IGSF11: variants seen among roughly 807,000 people sequenced by gnomAD.
IGSF11 encodes the protein immunoglobulin superfamily member 11.
IGSF11 carries 22 observed loss-of-function variants against 41.0 expected under a neutral mutation model. The ratio of observed to expected loss-of-function variants is 0.54; its 90% CI spans 0.38 to 0.77. The LOEUF (loss-of-function observed/expected upper bound fraction) is 0.77, where lower values mean the gene tolerates loss of function less well. IGSF11 is among the 30% of genes least tolerant of loss of function. The pLI is 0.00. For synonymous variants in IGSF11, 219 were observed against 201.3 expected (o/e 1.09, Z -0.74); for missense variants, 444 against 530.8 (o/e 0.84, Z 1.61).
chr3:118,993,686 A>C (rs1936004349), intron 1 of IGSF11, among the ~76,000 whole-genome samples: 1 of 152,234 alleles, frequency 6.6e-6, no homozygotes, highest in African/African-American at 2.4e-5. Context: ...AAAAGCAATA[A>C]AGTAGTGATA....
intron 1 of IGSF11, among the ~76,000 whole-genome samples, chr3:119,129,227 G>A (rs1242451686): frequency 2.6e-5 from 4 of 152,028 alleles, no homozygotes; most frequent in Admixed American, 1.3e-4. Context: ...CATGGCACAC[G>A]TATACCTATG....
At chr3:119,010,176 G>T (rs180828889) in intron 1 of IGSF11, among the ~76,000 whole-genome samples, 1 of 152,168 alleles carries the variant, frequency 6.6e-6, no homozygotes, top group Non-Finnish European at 1.5e-5. Flanking sequence ...GCAGAGCTGA[G>T]AAGATTCCCT....
At chr3:119,119,442 C>G (rs1208951586) in intron 1 of IGSF11, among the ~76,000 whole-genome samples, 2 of 152,084 alleles carry the variant, frequency 1.3e-5, no homozygotes, top group African/African-American at 4.8e-5. Context: ...AGACCTGTCC[C>G]CATGATTCAA....
At chr3:119,017,345 C>T (rs1938820306) in intron 1 of IGSF11, among the ~76,000 whole-genome samples, 1 of 152,192 alleles carries the variant, frequency 6.6e-6, no homozygotes, top group African/African-American at 2.4e-5. Flanking sequence ...TAGAGCATAT[C>T]ACTGTACTGA....
intron 1 of IGSF11, among the ~76,000 whole-genome samples, chr3:119,009,157 T>G (rs1937784171): frequency 6.6e-6 from 1 of 152,138 alleles, no homozygotes. Context: ...TCCTTCAATG[T>G]TCACCCTTTC....
intron 1 of IGSF11, among the ~76,000 whole-genome samples, chr3:119,059,666 T>A (rs995662394): frequency 1.3e-5 from 2 of 152,106 alleles, no homozygotes; most frequent in Non-Finnish European, 2.9e-5. Flanking sequence ...TTTTTTTTTT[T>A]AACTGCCAAG....
Position 118,933,238 on chromosome 3 carries a change from C to T in IGSF11, c.53-2963G>A, listed in dbSNP as rs563082967. On this transcript the variant is annotated intron_variant, in intron 1 of 6. Coordinates refer to ENST00000393775, the MANE Select transcript of IGSF11 (RefSeq NM_001015887.3). The stretch of plus-strand genomic sequence containing the variant: ...TACAAATCGGGTTTAAAATGTGGTA[C>T]TTTCATCTATTTAGCTGCATGTCCC... Among the ~76,000 whole-genome samples, 6 of 152,228 alleles carry T rather than the reference C, an allele frequency of 3.9e-5. No homozygotes were observed. In the South Asian group the frequency reaches 1.0e-3, roughly 26 times the overall value.
At chr3:119,028,803 A>T (rs927183725) in intron 1 of IGSF11, among the ~76,000 whole-genome samples, 1 of 152,156 alleles carries the variant, frequency 6.6e-6, no homozygotes, top group Non-Finnish European at 1.5e-5. Context: ...CCAAATCCCT[A>T]AAGAAATTTT....
At chr3:118,994,112 T>C (rs1936048026) in intron 1 of IGSF11, among the ~76,000 whole-genome samples, 1 of 152,124 alleles carries the variant, frequency 6.6e-6, no homozygotes, top group African/African-American at 2.4e-5. Context: ...TGATATCTGA[T>C]GGGGAAAGGC....
chr3:118,966,931 C>A lies in IGSF11; in HGVS notation c.53-36656G>T, dbSNP rs570642368. 5.3e-5 allele frequency among the ~76,000 whole-genome samples: 8 copies of A among 152,172 alleles called. No homozygotes were observed. The South Asian group carries it at 1.7e-3, about 32-fold the overall frequency. On this transcript the variant is annotated intron_variant, in intron 1 of 6. Transcript: ENST00000393775. Reference sequence around the variant, plus strand: ...TGCACAGGAGGTGGTAACACAGCACCACATTTAGAAGAGACAACTGTTCCT... The same window carrying A: ...TGCACAGGAGGTGGTAACACAGCACAACATTTAGAAGAGACAACTGTTCCT...
At chr3:119,033,280 G>A (rs1228511715) in intron 1 of IGSF11, among the ~76,000 whole-genome samples, 1 of 152,114 alleles carries the variant, frequency 6.6e-6, no homozygotes, top group African/African-American at 2.4e-5. Flanking sequence ...TGCATAAAAA[G>A]CCGATTTACT....
In IGSF11 at chr3:119,049,758, G is replaced by A. The variant is rs1443219954; in HGVS notation, c.49+55386C>T. On this transcript the variant is annotated intron_variant, in intron 1 of 6. Coordinates refer to the IGSF11 transcript ENST00000354673. ...ACCTGAATTCAAACTATACTACAAG[G>A]CTACAGTAACCAAAACAGCATGTTA... 2.0e-5 allele frequency among the ~76,000 whole-genome samples: 3 copies of A among 151,716 alleles called. No homozygotes were observed. The East Asian group carries it at 5.8e-4, about 29-fold the overall frequency.
rs1934195131 is a variant in IGSF11, at chr3:118,977,057, TTAG to T, written c.53-46785_53-46783del. Among the ~76,000 whole-genome samples, 5 of 152,328 alleles carry T rather than the reference TTAG, an allele frequency of 3.3e-5. No homozygotes were observed. The South Asian group carries it at 1.0e-3, about 32-fold the overall frequency. The stretch of plus-strand genomic sequence containing the variant: ...GTGAAAAAATATTTGATCCACAGCA[TTAG>T]GACAGTGATCATTTATCCCATATTT... On this transcript the variant is annotated intron_variant, in intron 1 of 6. Coordinates refer to ENST00000393775, the MANE Select transcript of IGSF11 (RefSeq NM_001015887.3).
intron 1 of IGSF11, among the ~76,000 whole-genome samples, chr3:119,142,777 A>G (rs2077666670): frequency 1.3e-5 from 2 of 151,638 alleles, no homozygotes; most frequent in South Asian, 4.1e-4. Context: ...AATAACATAA[A>G]AGATCCACAC....
At chr3:119,032,308 A>C (rs1940480783) in intron 1 of IGSF11, among the ~76,000 whole-genome samples, 2 of 152,142 alleles carry the variant, frequency 1.3e-5, no homozygotes, top group South Asian at 4.1e-4. Context: ...ATGAGCCATA[A>C]TTCATTCAAA....
Position 119,034,514 on chromosome 3 carries a change from G to A in IGSF11, c.52+17C>T. On this transcript the variant is annotated intron_variant, in intron 1 of 6. Transcript: ENST00000393775. ...CCGGCCTGGCCCCACCGGGAAGAAA[G>A]GGCTGGAGCTACTCACCGTGCAGAG... 6.4e-7 allele frequency: 1 copy of A among 1,561,346 alleles called. No individual in the cohort carries two copies. Among genetic ancestry groups the A allele is most frequent in the Non-Finnish European group, 8.7e-7 (1 of 1,153,132 alleles).
chr3:118,944,913 T>A (rs1477641195), intron 1 of IGSF11: 1 of 152,180 alleles, frequency 6.6e-6, no homozygotes, highest in Non-Finnish European at 1.5e-5. Flanking sequence ...CAATGTCTAG[T>A]GTGACTCCAG....
rs188345897 is a variant in IGSF11, at chr3:119,041,383, A to C, written c.49+63761T>G. 3.7e-4 allele frequency among the ~76,000 whole-genome samples: 56 copies of C among 152,280 alleles called. 1 individual carries two copies. The East Asian group carries it at 0.011, about 29-fold the overall frequency. On this transcript the variant is annotated intron_variant, in intron 1 of 6. Transcript: ENST00000354673. ...GATCACCTGAGGTCAAGAGTTTGAG[A>C]CCAGCCTGGCCAACATGGTGAAACC... is the stretch of plus-strand genomic sequence containing the variant.
intron 1 of IGSF11, among the ~76,000 whole-genome samples, chr3:118,967,129 A>G (rs1945739204): frequency 6.6e-6 from 1 of 152,160 alleles, no homozygotes; most frequent in Non-Finnish European, 1.5e-5. Context: ...ACATATGGGG[A>G]TGCTAAATAA....
Sources: allele counts gnomAD v4.1 joint callset (sites outside exome capture counted in the v4.1 genomes callset), GRCh38; gene constraint gnomAD v4.1.1; transcripts MANE v1.5; gene names NCBI Gene and HGNC (gene_info 2026-07-23, HGNC 2026-07-21).